SCAMP4: variants seen among roughly 807,000 people sequenced by gnomAD.
SCAMP4 encodes the protein secretory carrier-associated membrane protein 4.
Under a neutral mutation model 32.1 loss-of-function variants are expected in SCAMP4, and 19 were observed. The observed-to-expected ratio is 0.59, with a 90% CI of 0.41 to 0.87. The LOEUF is 0.87. Among genes scored for constraint, SCAMP4 ranks in the 40% least tolerant of loss-of-function variants. SCAMP4 has a pLI of 0.00. For missense variants in SCAMP4, 302 were observed against 309.0 expected, an observed-to-expected ratio of 0.98 and a Z score of 0.17; for synonymous variants, 152 against 132.7, an observed-to-expected ratio of 1.15 and a Z score of -1.00.
At chr19:1,910,009 G>C (rs756448274) in intron 1 of SCAMP4, among the ~76,000 whole-genome samples, 19 of 152,246 alleles carry the variant, frequency 1.2e-4, no homozygotes, top group Admixed American at 6.5e-4. Context: ...GTGCCAGGCT[G>C]TGTGCTGTTC....
In SCAMP4 at chr19:1,905,416, TGCGC is replaced by T. The variant is rs1330054557; in HGVS notation, c.-64_-61del. ...CGGTTGCTAAGACTTGGCGAAGCGC[TGCGC>T]TCGCGCCCGGATCCCTCAGGTAAGC... On this transcript the variant is annotated 5_prime_UTR_variant, in exon 1 of 7. Coordinates refer to ENST00000316097, the MANE Select transcript of SCAMP4 (RefSeq NM_079834.4). 8.6e-6 allele frequency: 4 copies of T among 463,290 alleles called. No homozygotes were observed. The allele number at this position is 463,290 out of a possible 1,614,324, so 28.7% of individuals were successfully genotyped here. A position where few individuals can be genotyped will look rare whatever the true frequency, so the allele number is the denominator to read the frequency against.
rs551475436 is a variant in SCAMP4 at position 1,921,097 on chromosome 19, G to T, written c.396-1973G>T. 8 of 985,400 alleles carry T rather than the reference G, an allele frequency of 8.1e-6. No homozygotes were observed. In the South Asian group the frequency reaches 3.3e-4, roughly 40 times the overall value. 61.0% of individuals were successfully genotyped at this position (985,400 alleles called of 1,614,324 possible). A position where few individuals can be genotyped will look rare whatever the true frequency, so the allele number is the denominator to read the frequency against. On this transcript the variant is annotated intron_variant, in intron 5 of 6. Transcript: ENST00000316097. The stretch of plus-strand genomic sequence containing the variant: ...GAGAAATCAAACCACAGCGCACAGC[G>T]ACTTCATGTCCACCGTTGGCTTAGT...
chr19:1,916,656 G>A (rs906327174), intron 2 of SCAMP4, among the ~76,000 whole-genome samples: 1 of 152,032 alleles, frequency 6.6e-6, no homozygotes, highest in Non-Finnish European at 1.5e-5. Flanking sequence ...TTGGGGTCTC[G>A]CTAGGTTGCC....
chr19:1,923,407 C>T (rs908033722), intron 6 of SCAMP4, among the ~76,000 whole-genome samples: 1 of 152,154 alleles, frequency 6.6e-6, no homozygotes, highest in South Asian at 2.1e-4. Flanking sequence ...GGGGCCAGTC[C>T]TGTGGCCCCC....
At chr19:1,922,253 G>A (rs2013941708) in intron 5 of SCAMP4, 2 of 985,348 alleles carry the variant, frequency 2.0e-6, no homozygotes, top group African/African-American at 3.5e-5. Flanking sequence ...GATCTAAGCA[G>A]TGCTTTCCCT....
intron 1 of SCAMP4, chr19:1,912,862 C>A: frequency 6.3e-7 from 1 of 1,598,740 alleles, no homozygotes; most frequent in Non-Finnish European, 8.5e-7. Flanking sequence ...CCGGCCGCTG[C>A]CCCCCAGGCC....
intron 1 of SCAMP4, chr19:1,912,460 A>C: frequency 6.6e-7 from 1 of 1,505,348 alleles, no homozygotes; most frequent in Non-Finnish European, 8.8e-7. Context: ...GGCCTGGGGC[A>C]ACCCTTCCTG....
At position 1,918,988 on chromosome 19, in the gene SCAMP4, G is replaced by T; in HGVS notation, c.393G>T (p.Ala131=). ...IQAIGFSGWG[A]CGWLSAIGFF... is the part of the protein sequence containing the mutation. ...CGATTGGCTTCTCCGGCTGGGGCGC[G>T]TGGTAAGCCTCTCTCTGATGGGCGT... Residue 131 remains alanine, a splice_region_variant and synonymous_variant, in exon 5 of 7, where the codon GCG becomes GCT. Coordinates refer to ENST00000316097, the MANE Select transcript of SCAMP4 (RefSeq NM_079834.4). The T allele has an allele frequency of 6.2e-7, 1 of 1,604,164 alleles. No homozygotes were observed. The highest frequency in any genetic ancestry group is 1.7e-5 in the Admixed American group (1 of 58,458).
At chr19:1,919,614 A>G (rs908850922) in intron 5 of SCAMP4, 1 of 249,118 alleles carries the variant, frequency 4.0e-6, no homozygotes, top group Admixed American at 6.9e-5. Context: ...CTCCTGCCTC[A>G]GCCTCCCGAG....
At chr19:1,905,482 C>T (rs1245943497) in intron 1 of SCAMP4, 43 bp downstream of exon 1, 5 of 446,678 alleles carry the variant, frequency 1.1e-5, no homozygotes, top group East Asian at 8.5e-5. Context: ...CAGGCTCAGA[C>T]TTCCCCAGAG....
At chr19:1,923,757 T>G (rs868475572) in intron 6 of SCAMP4, among the ~76,000 whole-genome samples, 3,154 of 121,750 alleles carry the variant, frequency 0.026, 225 homozygotes, top group Middle Eastern at 0.11. Flanking sequence ...TAGCTGGGAC[T>G]ACAGGCGCCC....
intron 5 of SCAMP4, chr19:1,921,238 A>AAG (rs1262815520): frequency 1.7e-5 from 17 of 984,866 alleles, no homozygotes; most frequent in Admixed American, 6.2e-5. Flanking sequence ...GCTGTGGGGC[A>AAG]AGAGGCGACA....
At chr19:1,916,113 C>T (rs2013724739) in intron 2 of SCAMP4, among the ~76,000 whole-genome samples, 1 of 151,754 alleles carries the variant, frequency 6.6e-6, no homozygotes, top group African/African-American at 2.4e-5. Flanking sequence ...TGGCACAGCA[C>T]CTGTAGTCCC....
rs766628438 is a variant in SCAMP4, at chr19:1,912,187, T to A, written c.-41-2792T>A. 1.3e-5 allele frequency: 20 copies of A among 1,582,552 alleles called. No individual in the cohort carries two copies. Among genetic ancestry groups the A allele is most frequent in the Non-Finnish European group, 1.7e-5 (20 of 1,168,452 alleles). On this transcript the variant is annotated intron_variant, in intron 1 of 6. Transcript: ENST00000316097. Reference sequence around the variant, plus strand: ...CCGGCGCCGTGGCAGGCCCTCCCTGTCCTGTCCGAGAAGCAGTCAGGGGAC... The same window carrying A: ...CCGGCGCCGTGGCAGGCCCTCCCTGACCTGTCCGAGAAGCAGTCAGGGGAC...
intron 1 of SCAMP4, chr19:1,913,460 TAGG>T (rs1198732959): frequency 1.7e-5 from 8 of 478,620 alleles, no homozygotes; most frequent in Non-Finnish European, 3.1e-5. Flanking sequence ...GGGTGTCTGT[TAGG>T]AGGTGTGTGC....
rs114195786 is a variant in SCAMP4 at position 1,915,554 on chromosome 19, A to T, written c.7+528A>T. 1,421 of 169,284 alleles carry T rather than the reference A, an allele frequency of 8.4e-3. 17 individuals are homozygous for T. The highest frequency in any genetic ancestry group is 0.032 in the African/African-American group (1,356 of 41,906). The allele number at this position is 169,284 out of a possible 1,614,324, so 10.5% of individuals were successfully genotyped here. A position where few individuals can be genotyped will look rare whatever the true frequency, so the allele number is the denominator to read the frequency against. Reference sequence around the variant, plus strand: ...TTGATCCCTGGAACCTGTGAGTGGGACCTCATTTGGGAATATGGCCTTAAC... The same window carrying T: ...TTGATCCCTGGAACCTGTGAGTGGGTCCTCATTTGGGAATATGGCCTTAAC... On this transcript the variant is annotated intron_variant, in intron 2 of 6. Transcript: ENST00000316097.
chr19:1,922,531 G>C, intron 5 of SCAMP4: 3 of 985,462 alleles, frequency 3.0e-6, no homozygotes, highest in Non-Finnish European at 2.4e-6. Flanking sequence ...CTCTGCGCCC[G>C]GCCTCCTCAT....
chr19:1,914,230 A>G (rs968764867), intron 1 of SCAMP4, among the ~76,000 whole-genome samples: 5 of 152,054 alleles, frequency 3.3e-5, no homozygotes, highest in African/African-American at 1.2e-4. Context: ...GCGGAGGGGA[A>G]GATGTCCTGT....
In SCAMP4 at chr19:1,918,218, G is replaced by A. The variant is rs1486873110; in HGVS notation, c.228G>A (p.Val76=). The part of the protein sequence containing the change: ...GSGTNFGLAF[V]WLLLFTPCGY... ...GGACCAACTTCGGCCTGGCCTTCGTGTGGCTGCTCCTGTTCACGCCTTGCG... is the reference window on the plus strand; with the variant it reads ...GGACCAACTTCGGCCTGGCCTTCGTATGGCTGCTCCTGTTCACGCCTTGCG... Residue 76 remains valine (V), a synonymous_variant, in exon 4 of 7, where the codon GTG becomes GTA. Coordinates refer to ENST00000316097, the MANE Select transcript of SCAMP4 (RefSeq NM_079834.4). 1 of 1,611,626 alleles carries A rather than the reference G, an allele frequency of 6.2e-7. No homozygotes were observed. The highest frequency in any genetic ancestry group is 1.1e-5 in the South Asian group (1 of 91,066).
Sources: allele counts gnomAD v4.1 joint callset (sites outside exome capture counted in the v4.1 genomes callset), GRCh38; gene constraint gnomAD v4.1.1; transcripts MANE v1.5; gene names NCBI Gene and HGNC (gene_info 2026-07-23, HGNC 2026-07-21).